CACNG4: variants seen among roughly 807,000 people sequenced by gnomAD.
CACNG4 encodes voltage-dependent calcium channel gamma-4 subunit.
CACNG4 carries 8 observed loss-of-function variants against 22.9 expected under a neutral mutation model. That is an observed-to-expected ratio of 0.35 (90% CI 0.21 to 0.63). The LOEUF (loss-of-function observed/expected upper bound fraction) is 0.63. CACNG4 is among the 30% of genes least tolerant of loss of function. The pLI is 0.72. For missense variants in CACNG4, 357 were observed against 455.4 expected, an observed-to-expected ratio of 0.78 and a Z score of 1.97; for synonymous variants, 188 against 191.9, an observed-to-expected ratio of 0.98 and a Z score of 0.17.
At chr17:67,013,751 G>T (rs1052375543) in intron 1 of CACNG4, among the ~76,000 whole-genome samples, 1 of 151,864 alleles carries the variant, frequency 6.6e-6, no homozygotes, top group Admixed American at 6.6e-5. Flanking sequence ...GTCGCAGTGA[G>T]CCGAGTCCAT....
chr17:67,010,248 A>G (rs1037576562), intron 1 of CACNG4, among the ~76,000 whole-genome samples: 1 of 152,162 alleles, frequency 6.6e-6, no homozygotes, highest in Non-Finnish European at 1.5e-5. Flanking sequence ...CCGCTGCTTC[A>G]GCATCTCTGC....
At chr17:67,013,069 G>A (rs1276390264) in intron 1 of CACNG4, among the ~76,000 whole-genome samples, 1 of 152,166 alleles carries the variant, frequency 6.6e-6, no homozygotes, top group Non-Finnish European at 1.5e-5. Context: ...CTCACAGGGT[G>A]ACCAGCTCAC....
At chr17:66,993,809 C>A (rs538002228) in intron 1 of CACNG4, among the ~76,000 whole-genome samples, 2 of 152,058 alleles carry the variant, frequency 1.3e-5, no homozygotes, top group East Asian at 3.9e-4. Context: ...TTTCACCAGA[C>A]GGCGTTTCAT....
chr17:67,012,793 G>C lies in CACNG4; in HGVS notation c.221-5396G>C, dbSNP rs552742811. On this transcript the variant is annotated intron_variant, in intron 1 of 3. Transcript: ENST00000262138. ...CACCTGCACAGAGCTGGTCGCTCGCGGCAGCCATGTGTGGCTGGGGTAAAA... is the reference window on the plus strand; with the variant it reads ...CACCTGCACAGAGCTGGTCGCTCGCCGCAGCCATGTGTGGCTGGGGTAAAA... 1.9e-3 allele frequency among the ~76,000 whole-genome samples: 290 copies of C among 152,326 alleles called. 1 individual carries two copies. Among genetic ancestry groups the C allele is most frequent in the African/African-American group, 6.6e-3 (275 of 41,578 alleles).
rs1006811261 is a variant in CACNG4 at position 67,031,567 on chromosome 17, T to C, written c.*563T>C. The C allele has an allele frequency of 2.2e-5, 10 of 456,930 alleles. No individual in the cohort carries two copies. The highest frequency in any genetic ancestry group is 6.0e-5 in the African/African-American group (3 of 50,094). The allele number at this position is 456,930 out of a possible 1,614,324, so 28.3% of individuals were successfully genotyped here. On this transcript the variant is annotated 3_prime_UTR_variant, in exon 4 of 4. Transcript: ENST00000262138. The surrounding 1 kb of genome is among the most constrained non-coding windows in gnomAD (Gnocchi z 4.0). ...TCTCTCCAAGACTCTGGCAGTGGCC[T>C]ATGATCCTGAAGACAGCTCTGCAGC... is the stretch of plus-strand genomic sequence containing the variant.
chr17:66,986,086 T>C (rs943365566), intron 1 of CACNG4, among the ~76,000 whole-genome samples: 1 of 152,212 alleles, frequency 6.6e-6, no homozygotes, highest in Non-Finnish European at 1.5e-5. Flanking sequence ...GCTCCTGGGA[T>C]GCATGGGACA....
At chr17:66,983,009 T>A (rs1049990085) in intron 1 of CACNG4, among the ~76,000 whole-genome samples, 2 of 151,400 alleles carry the variant, frequency 1.3e-5, no homozygotes, top group African/African-American at 4.9e-5. Context: ...ACGGGGAAGT[T>A]AAGCAGCTTG....
intron 1 of CACNG4, among the ~76,000 whole-genome samples, chr17:66,997,526 T>C (rs1172649017): frequency 6.6e-6 from 1 of 152,010 alleles, no homozygotes; most frequent in Non-Finnish European, 1.5e-5. Flanking sequence ...AAGAGAATGG[T>C]TAAAACCAGG....
chr17:66,965,228 G>GCA (rs2035161922), intron 1 of CACNG4, 97 bp downstream of exon 1: 2 of 736,974 alleles, frequency 2.7e-6, no homozygotes, highest in African/African-American at 1.9e-5. Flanking sequence ...ACACACACGC[G>GCA]CACACACTGC....
chr17:66,982,571 A>G (rs2035283747), intron 1 of CACNG4, among the ~76,000 whole-genome samples: 1 of 152,142 alleles, frequency 6.6e-6, no homozygotes, highest in African/African-American at 2.4e-5. Context: ...TAAGACAGAA[A>G]AGTTCTCCAA....
At chr17:66,995,037 C>G (rs981778973) in intron 1 of CACNG4, among the ~76,000 whole-genome samples, 1 of 152,148 alleles carries the variant, frequency 6.6e-6, no homozygotes, top group Non-Finnish European at 1.5e-5. Flanking sequence ...AGTTTCCCCC[C>G]GGGCCAATTT....
chr17:67,031,045 C>A lies in CACNG4; in HGVS notation c.*41C>A. 2 of 1,569,630 alleles carry A rather than the reference C, an allele frequency of 1.3e-6. No individual in the cohort carries two copies. Among genetic ancestry groups the A allele is most frequent in the Non-Finnish European group, 1.7e-6 (2 of 1,157,114 alleles). ...TCTCCGCTCCAGCCTCTCCCCAGAACGGCTCTTTTTGTCACACAGGATGGC... is the reference window on the plus strand; with the variant it reads ...TCTCCGCTCCAGCCTCTCCCCAGAAAGGCTCTTTTTGTCACACAGGATGGC... On this transcript the variant is annotated 3_prime_UTR_variant, in exon 4 of 4. Coordinates refer to ENST00000262138, the MANE Select transcript of CACNG4 (RefSeq NM_014405.4). This position sits in a 1 kb window ranked among gnomAD's most constrained non-coding sequence, Gnocchi z 4.0.
intron 1 of CACNG4, among the ~76,000 whole-genome samples, chr17:66,978,001 C>G (rs1458464703): frequency 6.6e-6 from 1 of 152,190 alleles, no homozygotes; most frequent in East Asian, 1.9e-4. Flanking sequence ...ATAGGGTTGT[C>G]AGGAGAATCA....
chr17:67,010,898 G>C (rs760979093), intron 1 of CACNG4, among the ~76,000 whole-genome samples: 4 of 152,164 alleles, frequency 2.6e-5, no homozygotes, highest in Non-Finnish European at 4.4e-5. Context: ...GGCATGCTCT[G>C]AGCTCCTGCA....
intron 1 of CACNG4, among the ~76,000 whole-genome samples, chr17:67,005,088 C>T (rs2035429839): frequency 6.6e-6 from 1 of 152,156 alleles, no homozygotes; most frequent in Admixed American, 6.5e-5. Context: ...AGCTTAACAG[C>T]CAAGATGAAG....
chr17:66,971,389 C>T (rs988216315), intron 1 of CACNG4, among the ~76,000 whole-genome samples: 9 of 151,978 alleles, frequency 5.9e-5, no homozygotes, highest in South Asian at 2.1e-4. Context: ...AAGTCACCCG[C>T]CTGCTGGGTG....
chr17:66,966,499 T>C (rs941007290), intron 1 of CACNG4, among the ~76,000 whole-genome samples: 2 of 152,126 alleles, frequency 1.3e-5, no homozygotes, highest in African/African-American at 4.8e-5. Context: ...TTGGTGGAGG[T>C]TGGCAAGGAG....
At chr17:67,000,594 T>G (rs2035402244) in intron 1 of CACNG4, among the ~76,000 whole-genome samples, 1 of 152,140 alleles carries the variant, frequency 6.6e-6, no homozygotes, top group African/African-American at 2.4e-5. Context: ...TCTCTGGGAC[T>G]GACCGGAGGA....
In CACNG4 at chr17:66,964,711, G is replaced by T. The variant is rs1018259378; in HGVS notation, c.-201G>T. 3.4e-5 allele frequency among the ~76,000 whole-genome samples: 5 copies of T among 145,374 alleles called. No homozygotes were observed. Among genetic ancestry groups the T allele is most frequent in the Non-Finnish European group, 7.6e-5 (5 of 65,572 alleles). ...CCCGGCGGCCGCGCAGCCCGCACTC[G>T]TCGCCGCGCCTCGGAGTTTGAGCCC... On this transcript the variant is annotated 5_prime_UTR_variant, in exon 1 of 4. Transcript: ENST00000262138.
Sources: gnomAD v4.1 joint callset for allele counts (sites outside exome capture counted in the v4.1 genomes callset) on GRCh38, gnomAD v4.1.1 for gene constraint, Gnocchi (gnomAD v3.1) non-coding constraint, MANE v1.5 for transcripts, NCBI Gene and HGNC (gene_info 2026-07-23, HGNC 2026-07-21) for gene names.